Variants in NR3C1 observed in about 807,000 individuals in gnomAD.
NR3C1 encodes the protein nuclear receptor subfamily 3 group C member 1, also known as glucocorticoid receptor.
NR3C1 carries 14 observed loss-of-function variants against 74.0 expected under a neutral mutation model. The observed-to-expected ratio is 0.19, with a 90% CI of 0.12 to 0.30. The LOEUF (loss-of-function observed/expected upper bound fraction) is 0.30. Ranked by LOEUF, NR3C1 falls within the 10% of genes least tolerant of loss-of-function variation. NR3C1 has a pLI of 1.00. For missense variants in NR3C1, 695 were observed against 909.8 expected, an observed-to-expected ratio of 0.76 and a Z score of 3.04; for synonymous variants, 308 against 332.5, an observed-to-expected ratio of 0.93 and a Z score of 0.80.
At chr5:143,293,147 G>A (rs547514290) in intron 7 of NR3C1, among the ~76,000 whole-genome samples, 3 of 152,026 alleles carry the variant, frequency 2.0e-5, no homozygotes, top group Admixed American at 6.6e-5. Context: ...ATCAATCAAC[G>A]AGTGGATAAA....
chr5:143,396,117 T>C (rs1011103419), intron 2 of NR3C1, among the ~76,000 whole-genome samples: 9 of 151,800 alleles, frequency 5.9e-5, no homozygotes, highest in African/African-American at 1.7e-4. Flanking sequence ...GGACTAGCCA[T>C]AGAAACATCG....
intron 1 of NR3C1, among the ~76,000 whole-genome samples, chr5:143,413,454 AG>A (rs1841370545): frequency 6.6e-6 from 1 of 152,168 alleles, no homozygotes; most frequent in African/African-American, 2.4e-5. Flanking sequence ...TTCACTGAAA[AG>A]TCCAGGGGAA....
At chr5:143,287,411 C>T (rs1400906180) in intron 7 of NR3C1, among the ~76,000 whole-genome samples, 1 of 152,098 alleles carries the variant, frequency 6.6e-6, no homozygotes, top group Admixed American at 6.6e-5. Context: ...CCAAGTTAGA[C>T]AACTCAGACA....
At chr5:143,314,643 A>G (rs1057052968) in intron 2 of NR3C1, among the ~76,000 whole-genome samples, 2 of 152,068 alleles carry the variant, frequency 1.3e-5, no homozygotes, top group Non-Finnish European at 2.9e-5. Flanking sequence ...TTTTTTCCTA[A>G]TTTTAAGATC....
Position 143,281,702 on chromosome 5 carries a change from G to A in NR3C1, c.*187C>T, listed in dbSNP as rs903618918. ...TCTCCCATCACTGAAAAGTGATGAC[G>A]ACTCAACTGCTTCTGTTGCCAAGTC... is the stretch of plus-strand genomic sequence containing the variant. On this transcript the variant is annotated 3_prime_UTR_variant, in exon 9 of 9. Coordinates refer to ENST00000394464, the MANE Select transcript of NR3C1 (RefSeq NM_000176.3). The A allele has an allele frequency of 2.2e-5, 13 of 584,494 alleles. No homozygotes were observed. Among genetic ancestry groups the A allele is most frequent in the Non-Finnish European group, 3.3e-5 (11 of 332,334 alleles). 36.2% of individuals were successfully genotyped at this position (584,494 alleles called of 1,614,324 possible).
At chr5:143,312,195 T>C (rs553244417) in intron 3 of NR3C1, among the ~76,000 whole-genome samples, 2 of 152,312 alleles carry the variant, frequency 1.3e-5, no homozygotes, top group East Asian at 3.9e-4. Flanking sequence ...CCTCCCAAGA[T>C]GGCCCCCAGT....
intron 2 of NR3C1, among the ~76,000 whole-genome samples, chr5:143,383,483 C>T (rs1217529652): frequency 6.6e-6 from 1 of 152,174 alleles, no homozygotes; most frequent in Non-Finnish European, 1.5e-5. Context: ...ATTAATTCAA[C>T]AAACATTTAC....
upstream of NR3C1, among the ~76,000 whole-genome samples, chr5:143,408,532 A>AT (rs377020256): frequency 3.0e-4 from 45 of 148,404 alleles, no homozygotes; most frequent in Middle Eastern, 3.5e-3. Context: ...TAGATTTTGG[A>AT]TTTTTTTTTT....
chr5:143,401,132 C>T (rs4634384), intron 1 of NR3C1: 234,692 of 450,808 alleles, frequency 0.52, 63,206 homozygotes, highest in East Asian at 0.78. Context: ...TCCTGCCGCT[C>T]ACTGAACGTG....
chr5:143,402,809 A>G, intron 1 of NR3C1: 3 of 985,424 alleles, frequency 3.0e-6, no homozygotes, highest in Non-Finnish European at 3.6e-6. Flanking sequence ...CGGGCGAGTA[A>G]AATTCAGACG....
Position 143,400,585 on chromosome 5 carries a change from T to C in NR3C1, c.255A>G (p.Ser85=), listed in dbSNP as rs72542739. ...QPDLSKAVSL[S]MGLYMGETET... ...CTGTCTCTCCCATATACAGTCCCAT[T>C]GAGAGTGAAACTGCTTTGGACAGAT... is the stretch of plus-strand genomic sequence containing the variant. Residue 85 remains serine, a synonymous_variant, in exon 2 of 9, where the codon TCA becomes TCG. Transcript: ENST00000394464. 7.4e-6 allele frequency: 12 copies of C among 1,614,208 alleles called. No individual in the cohort carries two copies. Among genetic ancestry groups the C allele is most frequent in the Non-Finnish European group, 9.3e-6 (11 of 1,179,988 alleles).
At chr5:143,325,187 CA>C (rs1449573621) in intron 2 of NR3C1, among the ~76,000 whole-genome samples, 7 of 152,180 alleles carry the variant, frequency 4.6e-5, no homozygotes, top group African/African-American at 1.4e-4. Flanking sequence ...AAACTGGGAA[CA>C]AAAAGAGGTT....
chr5:143,292,980 A>G (rs1816288004), intron 7 of NR3C1, among the ~76,000 whole-genome samples: 1 of 152,154 alleles, frequency 6.6e-6, no homozygotes, highest in South Asian at 2.1e-4. Context: ...GTACCTACAG[A>G]TTTCCCTTGT....
At chr5:143,379,626 C>A (rs1323321301) in intron 2 of NR3C1, among the ~76,000 whole-genome samples, 1 of 152,202 alleles carries the variant, frequency 6.6e-6, no homozygotes, top group African/African-American at 2.4e-5. Flanking sequence ...TCTAGACTAG[C>A]CCCGTGATTT....
intron 6 of NR3C1, among the ~76,000 whole-genome samples, chr5:143,296,097 C>T (rs889231790): frequency 2.6e-5 from 4 of 152,156 alleles, no homozygotes; most frequent in Non-Finnish European, 5.9e-5. Context: ...AAATCTGCCT[C>T]TGACAGGCAT....
chr5:143,349,140 C>T (rs751185093), intron 2 of NR3C1, among the ~76,000 whole-genome samples: 10 of 152,136 alleles, frequency 6.6e-5, no homozygotes, highest in East Asian at 3.9e-4. Flanking sequence ...CTTTTTGTGG[C>T]GATTGTTAAA....
chr5:143,364,105 C>A (rs1832768269), intron 2 of NR3C1, among the ~76,000 whole-genome samples: 2 of 152,076 alleles, frequency 1.3e-5, no homozygotes, highest in Non-Finnish European at 2.9e-5. Flanking sequence ...ATCAAACTAC[C>A]AAAAGCTAAA....
chr5:143,336,591 C>T (rs1350804069), intron 2 of NR3C1, among the ~76,000 whole-genome samples: 1 of 152,158 alleles, frequency 6.6e-6, no homozygotes, highest in South Asian at 2.1e-4. Flanking sequence ...AGAACATTTA[C>T]AGGTTTCTTT....
intron 2 of NR3C1, among the ~76,000 whole-genome samples, chr5:143,326,629 T>A (rs1824665441): frequency 6.6e-6 from 1 of 152,222 alleles, no homozygotes; most frequent in Non-Finnish European, 1.5e-5. Context: ...TATGTCTGAC[T>A]AATGTATTCA....
Sources: allele counts gnomAD v4.1 joint callset (sites outside exome capture counted in the v4.1 genomes callset), GRCh38; gene constraint gnomAD v4.1.1; transcripts MANE v1.5; gene names NCBI Gene and HGNC (gene_info 2026-07-23, HGNC 2026-07-21).